Variants in DNAH14 observed in about 807,000 individuals in gnomAD.
DNAH14 encodes dynein axonemal heavy chain 14, also known as axonemal beta dynein heavy chain 14.
Under a neutral mutation model 520.9 loss-of-function variants are expected in DNAH14, and 478 were observed. That is an observed-to-expected ratio of 0.92 (90% confidence interval 0.85 to 0.99). The LOEUF is 0.99. Among genes scored for constraint, DNAH14 ranks in the 50% least tolerant of loss-of-function variants. DNAH14 has a pLI of 0.00. For synonymous variants in DNAH14, 1,581 were observed against 1,757.2 expected (o/e 0.90, Z 2.51); for missense variants, 4,831 against 5,234.5 (o/e 0.92, Z 2.38).
At chr1:225,057,701 C>T (rs183462037) in intron 17 of DNAH14, among the ~76,000 whole-genome samples, 48 of 152,190 alleles carry the variant, frequency 3.2e-4, no homozygotes, top group African/African-American at 1.2e-3. Flanking sequence ...GAGATATGTC[C>T]CATCAATACC....
Position 225,398,489 on chromosome 1 carries a change from G to T in DNAH14, c.13492-31G>T, listed in dbSNP as rs959090983. On this transcript the variant is annotated intron_variant, in intron 84 of 85. Transcript: ENST00000682510. ...CCAGTTGGTCGCTGCTTCTCCTGGG[G>T]ATCCCTGACACCACCTCTCTTCCAT... 8 of 1,548,582 alleles carry T rather than the reference G, an allele frequency of 5.2e-6. No homozygotes were observed. The African/African-American group carries it at 6.9e-5, about 13-fold the overall frequency.
At chr1:225,296,483 C>T (rs1574592385) in intron 55 of DNAH14, among the ~76,000 whole-genome samples, 1 of 146,856 alleles carries the variant, frequency 6.8e-6, no homozygotes, top group African/African-American at 2.5e-5. Flanking sequence ...TCCTTCCTCT[C>T]TTATCGTTTA....
Position 225,357,641 on chromosome 1 carries a change from A to G in DNAH14, c.11620-855A>G, listed in dbSNP as rs1344318799. 7.9e-6 allele frequency: 4 copies of G among 508,034 alleles called. No individual in the cohort carries two copies. The East Asian group carries it at 1.2e-4, about 15-fold the overall frequency. 31.5% of individuals were successfully genotyped at this position (508,034 alleles called of 1,614,324 possible). A position where few individuals can be genotyped will look rare whatever the true frequency, so the allele number is the denominator to read the frequency against. On this transcript the variant is annotated intron_variant, in intron 73 of 85. Coordinates refer to ENST00000682510, the MANE Select transcript of DNAH14 (RefSeq NM_001367479.1). ...ATTTTAAGAATAATTTTTCCAAAACATAACAGAAAAGAGCAGAATTCAGCA... is the reference window on the plus strand; with the variant it reads ...ATTTTAAGAATAATTTTTCCAAAACGTAACAGAAAAGAGCAGAATTCAGCA...
At position 225,353,889 on chromosome 1, in the gene DNAH14, G is replaced by A. The variant is rs747059143; in HGVS notation, c.11619+1G>A. The A allele has an allele frequency of 7.7e-6, 11 of 1,427,388 alleles. No individual in the cohort carries two copies. The South Asian group carries it at 1.4e-4, about 18-fold the overall frequency. The allele number at this position is 1,427,388 out of a possible 1,614,324, so 88.4% of individuals were successfully genotyped here. A position where few individuals can be genotyped will look rare whatever the true frequency, so the allele number is the denominator to read the frequency against. On this transcript the variant is annotated splice_donor_variant, in intron 73 of 85. Coordinates refer to ENST00000682510, the MANE Select transcript of DNAH14 (RefSeq NM_001367479.1). LOFTEE classifies it high-confidence loss of function. ...CACTTCATTTCAAAGACTTATTTTGGTAAGATATCTTATGAGGAAATATTA... is the reference window on the plus strand; with the variant it reads ...CACTTCATTTCAAAGACTTATTTTGATAAGATATCTTATGAGGAAATATTA...
intron 41 of DNAH14, among the ~76,000 whole-genome samples, chr1:225,230,202 T>C (rs2090969104): frequency 6.6e-6 from 1 of 152,150 alleles, no homozygotes; most frequent in Non-Finnish European, 1.5e-5. Context: ...ACAACAATTA[T>C]TTGAATCCCA....
intron 36 of DNAH14, among the ~76,000 whole-genome samples, chr1:225,183,023 C>T (rs1399051523): frequency 6.6e-6 from 1 of 151,952 alleles, no homozygotes; most frequent in Admixed American, 6.6e-5. Context: ...GCCCATGTCA[C>T]TCTTTTCCCA....
chr1:225,223,037 C>A (rs915150733), intron 41 of DNAH14, among the ~76,000 whole-genome samples: 1 of 152,162 alleles, frequency 6.6e-6, no homozygotes, highest in Non-Finnish European at 1.5e-5. Context: ...ACCACCTCCT[C>A]CTTCTCCTTC....
chr1:224,977,496 T>A (rs535260328), intron 8 of DNAH14, among the ~76,000 whole-genome samples: 1 of 151,940 alleles, frequency 6.6e-6, no homozygotes, highest in South Asian at 2.1e-4. Flanking sequence ...ATAATAATAA[T>A]AAAAAAGAAT....
At chr1:225,008,895 G>A (rs1290605580) in intron 10 of DNAH14, among the ~76,000 whole-genome samples, 1 of 151,672 alleles carries the variant, frequency 6.6e-6, no homozygotes, top group Non-Finnish European at 1.5e-5. Flanking sequence ...TCCTTTTTTG[G>A]CCACATGAAT....
At chr1:225,308,193 A>G in intron 59 of DNAH14, 92 bp from the exon 60 acceptor site, 1 of 1,313,758 alleles carries the variant, frequency 7.6e-7, no homozygotes, top group East Asian at 2.7e-5. Context: ...AGTAAACTTT[A>G]CCATAGTGAA....
chr1:225,393,936 A>T (rs2150879255), intron 84 of DNAH14, among the ~76,000 whole-genome samples: 2 of 151,344 alleles, frequency 1.3e-5, no homozygotes, highest in Middle Eastern at 6.8e-3. Flanking sequence ...CTCCTGCCTC[A>T]GCCTCCCAAG....
intron 35 of DNAH14, among the ~76,000 whole-genome samples, 174 bp downstream of exon 35, chr1:225,159,659 C>T (rs954929300): frequency 3.9e-5 from 6 of 152,086 alleles, no homozygotes; most frequent in African/African-American, 1.4e-4. Flanking sequence ...AAAGAGCTTT[C>T]AGTATATTAT....
chr1:225,216,901 A>C (rs1360154152), intron 41 of DNAH14, among the ~76,000 whole-genome samples: 1 of 152,126 alleles, frequency 6.6e-6, no homozygotes, highest in African/African-American at 2.4e-5. Context: ...TCTTCTATCA[A>C]CTCATCAAAG....
chr1:225,171,042 G>T (rs1448972763), intron 36 of DNAH14, among the ~76,000 whole-genome samples: 1 of 152,156 alleles, frequency 6.6e-6, no homozygotes, highest in African/African-American at 2.4e-5. Context: ...CGAAATGAAG[G>T]CAGAAATAAA....
At chr1:224,945,378 C>G (rs2059732675) in intron 1 of DNAH14, among the ~76,000 whole-genome samples, 1 of 152,110 alleles carries the variant, frequency 6.6e-6, no homozygotes, top group Non-Finnish European at 1.5e-5. Context: ...ATTGGTTATT[C>G]TAGTTAGCCA....
At chr1:225,077,698 G>T (rs2072471772) in intron 17 of DNAH14, among the ~76,000 whole-genome samples, 1 of 152,160 alleles carries the variant, frequency 6.6e-6, no homozygotes, top group Admixed American at 6.5e-5. Flanking sequence ...GGTTCACACA[G>T]TTAGTAAATA....
intron 84 of DNAH14, chr1:225,396,241 A>G (rs2096009418): frequency 1.3e-5 from 2 of 152,152 alleles, no homozygotes; most frequent in South Asian, 4.1e-4. Flanking sequence ...CCAACTGTTT[A>G]TTTAAAATAT....
intron 42 of DNAH14, among the ~76,000 whole-genome samples, chr1:225,236,396 A>G (rs2091579459): frequency 6.6e-6 from 1 of 152,072 alleles, no homozygotes; most frequent in Admixed American, 6.6e-5. Flanking sequence ...AGAGACTGTT[A>G]TGATTTCAGT....
In DNAH14 at chr1:225,252,395, T is replaced by C. The variant is rs1381480038; in HGVS notation, c.6843T>C (p.Asn2281=). Residue 2281 remains asparagine (N), a synonymous_variant, in exon 44 of 86, where the codon AAT becomes AAC. Transcript: ENST00000682510. Reference sequence around the variant, plus strand: ...TACCTTGGTCAGATTTAGTTCCTAATGATCAGACACTAATTCAAAGAGGTA... The same window carrying C: ...TACCTTGGTCAGATTTAGTTCCTAACGATCAGACACTAATTCAAAGAGGTA... ...EFIPWSDLVP[N]DQTLIQRGTS... The C allele has an allele frequency of 7.2e-6, 11 of 1,528,668 alleles. No homozygotes were observed. The highest frequency in any genetic ancestry group is 3.9e-5 in the Admixed American group (2 of 50,788). 94.7% of individuals were successfully genotyped at this position (1,528,668 alleles called of 1,614,324 possible). A position where few individuals can be genotyped will look rare whatever the true frequency, so the allele number is the denominator to read the frequency against.
Sources: allele counts gnomAD v4.1 joint callset (sites outside exome capture counted in the v4.1 genomes callset), GRCh38; gene constraint gnomAD v4.1.1; transcripts MANE v1.5; gene names NCBI Gene and HGNC (gene_info 2026-07-23, HGNC 2026-07-21).